Variants in ADK observed in about 807,000 individuals in gnomAD.
The protein encoded by ADK is N6,N6-dimethyladenosine kinase.
A neutral mutation model predicts 44.7 loss-of-function variants in ADK; 24 were observed. The observed-to-expected ratio is 0.54, with a 90% CI of 0.39 to 0.76. The LOEUF (loss-of-function observed/expected upper bound fraction) is 0.76, where lower values mean the gene tolerates loss of function less well. Ranked by LOEUF, ADK falls within the 30% of genes least tolerant of loss-of-function variation. The probability of loss-of-function intolerance (pLI) is 0.00; values close to 1 mark genes in which losing one functional copy is unlikely to be tolerated. For missense variants in ADK, 321 were observed against 425.1 expected, an observed-to-expected ratio of 0.76 and a Z score of 2.15; for synonymous variants, 128 against 142.6, an observed-to-expected ratio of 0.90 and a Z score of 0.73.
At chr10:74,302,154 A>T in intron 3 of ADK, among the ~76,000 whole-genome samples, 1 of 83,468 alleles carries the variant, frequency 1.2e-5, no homozygotes, top group Non-Finnish European at 2.1e-5. Context: ...TTTGAGATGG[A>T]GTCTTGCTCT....
chr10:74,158,634 A>G (rs1841817003), intron 1 of ADK, among the ~76,000 whole-genome samples: 1 of 152,188 alleles, frequency 6.6e-6, no homozygotes, highest in South Asian at 2.1e-4. Flanking sequence ...AAAATCCATA[A>G]AATTCTGAAT....
intron 3 of ADK, 121 bp from the exon 4 acceptor site, chr10:74,314,546 C>T (rs1281467941): frequency 3.0e-6 from 2 of 669,276 alleles, no homozygotes; most frequent in East Asian, 2.7e-5. Flanking sequence ...ATTTATTCAA[C>T]ATACTTAAAC....
intron 6 of ADK, among the ~76,000 whole-genome samples, chr10:74,507,856 ATAT>A (rs1246311198): frequency 1.3e-5 from 2 of 152,176 alleles, no homozygotes; most frequent in South Asian, 4.1e-4. Flanking sequence ...ATAATATCAC[ATAT>A]TATGGGCATT....
intron 3 of ADK, among the ~76,000 whole-genome samples, chr10:74,258,678 C>T (rs1194658722): frequency 6.6e-6 from 1 of 152,072 alleles, no homozygotes; most frequent in East Asian, 1.9e-4. Context: ...TAGTAATTCA[C>T]ATATCAATTC....
At position 74,525,270 on chromosome 10, in the gene ADK, A is replaced by G. The variant is rs890887790; in HGVS notation, c.570A>G (p.Thr190=). ...TCTTCATCCAGGGCTTTTTTCTTAC[A>G]GTTTCCCCAGAGTCAGTATTAAAGG... The part of the protein sequence containing the change: ...RVCYIAGFFL[T]VSPESVLKVA... The change falls in exon 7 of 11, where the codon ACA becomes ACG. Residue 190 remains threonine (T), a synonymous_variant. Coordinates refer to ENST00000539909, the MANE Select transcript of ADK (RefSeq NM_006721.4). 1 of 1,613,602 alleles carries G rather than the reference A, an allele frequency of 6.2e-7. No individual in the cohort carries two copies. Among genetic ancestry groups the G allele is most frequent in the Admixed American group, 1.7e-5 (1 of 59,960 alleles).
intron 2 of ADK, among the ~76,000 whole-genome samples, chr10:74,218,387 G>A (rs1046515106): frequency 2.6e-5 from 4 of 152,198 alleles, no homozygotes; most frequent in African/African-American, 4.8e-5. Context: ...CCAAATCTAC[G>A]TCTGATTGGT....
intron 3 of ADK, among the ~76,000 whole-genome samples, chr10:74,295,934 T>G (rs1489110978): frequency 6.6e-6 from 1 of 152,208 alleles, no homozygotes; most frequent in Non-Finnish European, 1.5e-5. Context: ...GACCTATCAT[T>G]TCTGCTAATG....
At chr10:74,230,982 G>A (rs534945982) in intron 3 of ADK, among the ~76,000 whole-genome samples, 6 of 152,020 alleles carry the variant, frequency 3.9e-5, no homozygotes, top group South Asian at 2.1e-4. Context: ...GCGCCTGGCC[G>A]CCAGTAATTT....
At chr10:74,268,242 G>C (rs528269546) in intron 3 of ADK, among the ~76,000 whole-genome samples, 8 of 152,094 alleles carry the variant, frequency 5.3e-5, no homozygotes, top group Non-Finnish European at 1.2e-4. Context: ...AGGATTGCTT[G>C]AGCCCAGGAG....
intron 6 of ADK, among the ~76,000 whole-genome samples, chr10:74,507,308 C>G (rs1848119615): frequency 6.6e-6 from 1 of 152,044 alleles, no homozygotes; most frequent in Admixed American, 6.5e-5. Context: ...TCTTTTTTCT[C>G]TTTTTTTCAA....
intron 4 of ADK, among the ~76,000 whole-genome samples, chr10:74,333,008 TAC>T: frequency 6.6e-6 from 1 of 152,276 alleles, no homozygotes; most frequent in East Asian, 1.9e-4. Flanking sequence ...AGAAATATTT[TAC>T]AGTCTTTCTT....
At chr10:74,512,982 A>C (rs1564765221) in intron 6 of ADK, among the ~76,000 whole-genome samples, 2 of 152,022 alleles carry the variant, frequency 1.3e-5, no homozygotes, top group African/African-American at 4.8e-5. Context: ...GTGTCAAAGA[A>C]TTTTTAAATT....
At chr10:74,621,059 C>G (rs768526456) in intron 9 of ADK, among the ~76,000 whole-genome samples, 1 of 152,036 alleles carries the variant, frequency 6.6e-6, no homozygotes, top group Non-Finnish European at 1.5e-5. Flanking sequence ...TATACAGAAG[C>G]TTTTCAGTTT....
At chr10:74,679,820 G>T (rs1425838909) in intron 10 of ADK, among the ~76,000 whole-genome samples, 1 of 151,842 alleles carries the variant, frequency 6.6e-6, no homozygotes, top group Non-Finnish European at 1.5e-5. Context: ...AATTAGCAAG[G>T]TGTGGTGGTG....
chr10:74,377,685 A>G (rs1242144104), intron 4 of ADK, among the ~76,000 whole-genome samples: 2 of 152,168 alleles, frequency 1.3e-5, no homozygotes, highest in Admixed American at 1.3e-4. Context: ...TGGCCACAAC[A>G]TCAGGCAGTT....
At chr10:74,342,773 C>G (rs923892803) in intron 4 of ADK, among the ~76,000 whole-genome samples, 3 of 112,974 alleles carry the variant, frequency 2.7e-5, no homozygotes, top group Non-Finnish European at 5.4e-5. Flanking sequence ...CTGTGCCTAG[C>G]TCAGTTTGTG....
intron 9 of ADK, among the ~76,000 whole-genome samples, chr10:74,647,088 C>G (rs541350462): frequency 8.6e-5 from 13 of 151,284 alleles, no homozygotes; most frequent in Admixed American, 2.0e-4. Context: ...AATTAATAAA[C>G]ATAGTCATTT....
At chr10:74,595,395 G>GTTTA (rs1851871945) in intron 8 of ADK, among the ~76,000 whole-genome samples, 30 of 91,692 alleles carry the variant, frequency 3.3e-4, no homozygotes, top group African/African-American at 9.7e-4. Flanking sequence ...TTTTTTTTGG[G>GTTTA]GAGGGGGTTT....
intron 4 of ADK, chr10:74,372,224 TGCTCCA>T: frequency 1.3e-6 from 1 of 760,976 alleles, no homozygotes; most frequent in Non-Finnish European, 2.4e-6. Flanking sequence ...GTGAATGGAC[TGCTCCA>T]GCTCCTGAGT....
Sources: allele counts gnomAD v4.1 joint callset (sites outside exome capture counted in the v4.1 genomes callset), GRCh38; gene constraint gnomAD v4.1.1; transcripts MANE v1.5; gene names NCBI Gene and HGNC (gene_info 2026-07-23, HGNC 2026-07-21).